ARMH3: variants seen among roughly 807,000 people sequenced by gnomAD.
The protein encoded by ARMH3 is armadillo like helical domain containing 3.
In ARMH3, 60 loss-of-function variants were observed where a neutral mutation model predicts 99.1. The ratio of observed to expected loss-of-function variants is 0.61; its 90% CI spans 0.49 to 0.75. ARMH3 has a LOEUF of 0.75. Ranked by LOEUF, ARMH3 falls within the 30% of genes least tolerant of loss-of-function variation. ARMH3 has a pLI of 0.00. For missense variants in ARMH3, 679 were observed against 843.1 expected (o/e 0.81, Z 2.41); for synonymous variants, 285 against 292.8 (o/e 0.97, Z 0.27).
At chr10:101,993,127 C>G (rs1439165206) in intron 17 of ARMH3, among the ~76,000 whole-genome samples, 1 of 151,516 alleles carries the variant, frequency 6.6e-6, no homozygotes, top group South Asian at 2.1e-4. Context: ...AAAAATTAGC[C>G]GAGCGTGGTG....
At chr10:102,034,623 G>A (rs543483333) in intron 2 of ARMH3, among the ~76,000 whole-genome samples, 23 of 148,740 alleles carry the variant, frequency 1.5e-4, no homozygotes, top group Admixed American at 6.7e-4. Context: ...GCCACAGAGC[G>A]AGACTCCATC....
At chr10:102,002,843 C>A (rs1281162258) in intron 14 of ARMH3, among the ~76,000 whole-genome samples, 1 of 151,690 alleles carries the variant, frequency 6.6e-6, no homozygotes, top group Non-Finnish European at 1.5e-5. Context: ...TGCCTATAAT[C>A]CCACCTACTA....
chr10:101,971,919 A>G (rs1054326515), intron 20 of ARMH3, among the ~76,000 whole-genome samples: 1 of 152,246 alleles, frequency 6.6e-6, no homozygotes, highest in Admixed American at 6.5e-5. Flanking sequence ...CAAACTTTCT[A>G]TATGTGGTGA....
intron 11 of ARMH3, among the ~76,000 whole-genome samples, chr10:102,011,062 T>G (rs1308002230): frequency 6.6e-6 from 1 of 152,220 alleles, no homozygotes; most frequent in African/African-American, 2.4e-5. Flanking sequence ...TGAATCTGCC[T>G]AGATTCTAGA....
intron 20 of ARMH3, among the ~76,000 whole-genome samples, chr10:101,962,195 TAAGGGCA>T (rs1590091289): frequency 1.3e-5 from 2 of 152,292 alleles, no homozygotes; most frequent in Admixed American, 6.5e-5. Context: ...TCCTTTTGGG[TAAGGGCA>T]AGCTTGGTAG....
intron 24 of ARMH3, among the ~76,000 whole-genome samples, 198 bp from the exon 25 acceptor site, chr10:101,850,090 CTTTTTTT>C (rs754571008): frequency 3.1e-4 from 28 of 91,322 alleles, no homozygotes; most frequent in African/African-American, 3.2e-4. Context: ...CTCTCTCTCT[CTTTTTTT>C]TTTTTTTTTT....
chr10:101,972,413 C>T (rs1845809026), intron 20 of ARMH3, among the ~76,000 whole-genome samples: 1 of 152,176 alleles, frequency 6.6e-6, no homozygotes, highest in African/African-American at 2.4e-5. Flanking sequence ...AATAACATTT[C>T]ATTACAGTTT....
intron 20 of ARMH3, among the ~76,000 whole-genome samples, chr10:101,972,078 G>A (rs1845794296): frequency 6.6e-6 from 1 of 152,156 alleles, no homozygotes; most frequent in Non-Finnish European, 1.5e-5. Flanking sequence ...GCAGCAGGGA[G>A]TAGATCAGGG....
intron 24 of ARMH3, among the ~76,000 whole-genome samples, chr10:101,887,592 CTTTTTTTTTTTTTT>C (rs34624064): frequency 1.0e-5 from 1 of 96,846 alleles, no homozygotes; most frequent in Non-Finnish European, 2.0e-5. Flanking sequence ...CTCTCTCTCT[CTTTTTTTTTTTTTT>C]TTTTTTTTTG....
At chr10:102,032,890 A>G in intron 4 of ARMH3, 136 bp downstream of exon 4, 1 of 952,578 alleles carries the variant, frequency 1.0e-6, no homozygotes, top group Middle Eastern at 2.9e-4. Context: ...AACGTGGCAT[A>G]AATATTTGGT....
intron 2 of ARMH3, among the ~76,000 whole-genome samples, chr10:102,034,369 G>A (rs997600767): frequency 1.3e-5 from 2 of 152,176 alleles, no homozygotes; most frequent in Non-Finnish European, 2.9e-5. Context: ...AGGCACGGTG[G>A]CCCATGCCTG....
At position 101,846,629 on chromosome 10, in the gene ARMH3, T is replaced by C. The variant is rs2066472319; in HGVS notation, c.*899A>G. 6.6e-6 allele frequency: 1 copy of C among 152,186 alleles called. No homozygotes were observed. Among genetic ancestry groups the C allele is most frequent in the South Asian group, 2.1e-4 (1 of 4,822 alleles). The allele number at this position is 152,186 out of a possible 1,614,324, so 9.4% of individuals were successfully genotyped here. On this transcript the variant is annotated 3_prime_UTR_variant, in exon 26 of 26. Coordinates refer to ENST00000370033, the MANE Select transcript of ARMH3 (RefSeq NM_024541.3). ...CAGCAGAGCACTGGGCAGATTCTCATCTCCAGTTTTCCCAGAGAAGTCAAT... is the reference window on the plus strand; with the variant it reads ...CAGCAGAGCACTGGGCAGATTCTCACCTCCAGTTTTCCCAGAGAAGTCAAT...
At chr10:101,967,191 T>C (rs1385147317) in intron 20 of ARMH3, among the ~76,000 whole-genome samples, 1 of 152,084 alleles carries the variant, frequency 6.6e-6, no homozygotes, top group Non-Finnish European at 1.5e-5. Context: ...CAGTGACTAA[T>C]AAAAGAATAA....
intron 15 of ARMH3, 93 bp from the exon 16 acceptor site, chr10:101,995,448 C>T (rs761186835): frequency 3.4e-5 from 36 of 1,046,622 alleles, no homozygotes; most frequent in Non-Finnish European, 5.0e-5. Flanking sequence ...TAAAAGGAAA[C>T]ATTCACACTT....
At chr10:102,055,005 A>T (rs1236176157) in intron 1 of ARMH3, among the ~76,000 whole-genome samples, 1 of 149,412 alleles carries the variant, frequency 6.7e-6, no homozygotes, top group Non-Finnish European at 1.5e-5. Context: ...TCAAAAAAAC[A>T]AAAAACAAAA....
At chr10:102,011,680 T>A (rs1279439420) in intron 11 of ARMH3, 43 bp downstream of exon 11, 1 of 1,537,078 alleles carries the variant, frequency 6.5e-7, no homozygotes, top group East Asian at 2.3e-5. Flanking sequence ...CAGACCACAC[T>A]GTTTCTGTTT....
At chr10:102,002,960 C>CAAATAAATAAATAAATAAATAAAT (rs72287750) in intron 14 of ARMH3, among the ~76,000 whole-genome samples, 1 of 136,008 alleles carries the variant, frequency 7.4e-6, no homozygotes, top group Non-Finnish European at 1.6e-5. Context: ...GACTCTGTCA[C>CAAATAAATAAATAAATAAATAAAT]AAATAAATAA....
At chr10:101,927,190 AGC>A (rs1294673527) in intron 23 of ARMH3, among the ~76,000 whole-genome samples, 9 of 152,212 alleles carry the variant, frequency 5.9e-5, no homozygotes, top group Admixed American at 5.9e-4. Flanking sequence ...AAAAAGTTAA[AGC>A]TAAGACTAAA....
At chr10:102,049,260 G>C (rs1248930865) in intron 1 of ARMH3, among the ~76,000 whole-genome samples, 1 of 152,144 alleles carries the variant, frequency 6.6e-6, no homozygotes, top group Non-Finnish European at 1.5e-5. Context: ...AATGAAAATA[G>C]GGCTGGCACG....
Sources: gnomAD v4.1 joint callset for allele counts (sites outside exome capture counted in the v4.1 genomes callset) on GRCh38, gnomAD v4.1.1 for gene constraint, MANE v1.5 for transcripts, NCBI Gene and HGNC (gene_info 2026-07-23, HGNC 2026-07-21) for gene names.